QRFPR: variants seen among roughly 807,000 people sequenced by gnomAD.
QRFPR encodes pyroglutamylated RF-amide peptide receptor.
QRFPR carries 37 observed loss-of-function variants against 31.3 expected under a neutral mutation model. The ratio of observed to expected loss-of-function variants is 1.18; its 90% confidence interval spans 0.91 to 1.56. The LOEUF (loss-of-function observed/expected upper bound fraction) is 1.56. QRFPR is among the 40% of genes most tolerant of loss of function. QRFPR has a pLI of 0.00. For missense variants in QRFPR, 542 were observed against 532.5 expected (o/e 1.02, Z -0.18); for synonymous variants, 197 against 192.0 (o/e 1.03, Z -0.22).
chr4:121,333,583 C>A (rs1469202326), intron 3 of QRFPR, among the ~76,000 whole-genome samples: 3 of 152,136 alleles, frequency 2.0e-5, no homozygotes, highest in Admixed American at 6.5e-5. Context: ...ATTAAAGAGG[C>A]AACTGGCAGC....
intron 1 of QRFPR, chr4:121,369,598 G>A (rs570138647): frequency 1.9e-6 from 3 of 1,611,286 alleles, no homozygotes; most frequent in Admixed American, 1.7e-5. Context: ...CCATTGGAGA[G>A]GGCTTCTGGG....
Position 121,350,626 on chromosome 4 carries a change from C to A in QRFPR, c.341-10016G>T, listed in dbSNP as rs550516392. ...CATCCCTTTGTGAACACTGGACATG[C>A]TTTTCAAAACAACTACTTGTGATTT... On this transcript the variant is annotated intron_variant, in intron 1 of 5. Coordinates refer to ENST00000394427, the MANE Select transcript of QRFPR (RefSeq NM_198179.3). Among the ~76,000 whole-genome samples, 354 of 152,254 alleles carry A rather than the reference C, an allele frequency of 2.3e-3. 2 individuals carry two copies. Among genetic ancestry groups the A allele is most frequent in the African/African-American group, 8.1e-3 (335 of 41,554 alleles).
chr4:121,359,989 G>C (rs1447508775), intron 1 of QRFPR, among the ~76,000 whole-genome samples: 1 of 151,292 alleles, frequency 6.6e-6, no homozygotes, highest in East Asian at 1.9e-4. Flanking sequence ...AGATCTTATT[G>C]GGGTAACATT....
chr4:121,380,533 C>G lies in QRFPR; in HGVS notation c.115G>C (p.Glu39Gln), dbSNP rs1726471078. The change falls in exon 1 of 6, where the codon GAG (glutamate) becomes CAG (glutamine). Residue 39 changes from glutamate (E) to glutamine (Q), a missense_variant. Physicochemically the swap from Glu to Gln is conservative, Grantham distance 29. Transcript: ENST00000394427. ...GCCAGCTTGGCGCGTCCCGGCAGCT[C>G]TGGGGTGTAGACGAGCGGTCGCAGC... ...YRLRPLVYTP[E>Q]LPGRAKLALV... 2 of 1,613,066 alleles carry G rather than the reference C, an allele frequency of 1.2e-6. No individual in the cohort carries two copies.
intron 4 of QRFPR, 70 bp from the exon 5 acceptor site, chr4:121,330,593 T>C (rs1304324201): frequency 8.8e-7 from 1 of 1,130,704 alleles, no homozygotes; most frequent in Non-Finnish European, 1.3e-6. Context: ...ATAGCAAAGC[T>C]ATTAAAGTCT....
chr4:121,373,065 T>C (rs1726282695), intron 1 of QRFPR, among the ~76,000 whole-genome samples: 1 of 152,180 alleles, frequency 6.6e-6, no homozygotes, highest in African/African-American at 2.4e-5. Context: ...ATTCCCTTTT[T>C]TTTCTTAAGG....
At chr4:121,364,989 C>G (rs533716550) in intron 1 of QRFPR, among the ~76,000 whole-genome samples, 1 of 149,818 alleles carries the variant, frequency 6.7e-6, no homozygotes, top group Admixed American at 6.6e-5. Context: ...GAGCTCCATA[C>G]AGCTGTTTTT....
At chr4:121,374,828 C>A (rs775305172) in intron 1 of QRFPR, among the ~76,000 whole-genome samples, 1 of 152,314 alleles carries the variant, frequency 6.6e-6, no homozygotes, top group South Asian at 2.1e-4. Flanking sequence ...CCCAACGATG[C>A]TGCCATTACT....
chr4:121,358,106 T>C (rs1230149457), intron 1 of QRFPR, among the ~76,000 whole-genome samples: 1 of 152,152 alleles, frequency 6.6e-6, no homozygotes, highest in East Asian at 1.9e-4. Context: ...TTGAATATAG[T>C]CAAAATACTT....
chr4:121,376,456 A>T (rs780038635), intron 1 of QRFPR, among the ~76,000 whole-genome samples: 10 of 151,974 alleles, frequency 6.6e-5, no homozygotes, highest in Non-Finnish European at 7.4e-5. Context: ...CTCACCTATT[A>T]TTCATGGTCC....
chr4:121,380,589 A>G lies in QRFPR; in HGVS notation c.59T>C (p.Leu20Pro). The G allele has an allele frequency of 6.2e-7, 1 of 1,605,970 alleles. No homozygotes were observed. The highest frequency in any genetic ancestry group is 2.2e-5 in the East Asian group (1 of 44,590). Residue 20 changes from leucine to proline, a missense_variant, in exon 1 of 6, where the codon CTG becomes CCG. By Grantham distance (98) the Leu-to-Pro change is moderately conservative (BLOSUM62 -3). Transcript: ENST00000394427. ...CAGAGCGATGAACTGCTCCCGCGTCAGGTTGTGGTCCCGCAGCAGCCGAGA... is the reference window on the plus strand; with the variant it reads ...CAGAGCGATGAACTGCTCCCGCGTCGGGTTGTGGTCCCGCAGCAGCCGAGA... ...QFSRLLRDHNLTREQFIALYR... is the reference protein window; with the variant it reads ...QFSRLLRDHNPTREQFIALYR...
At chr4:121,349,699 A>T (rs964481492) in intron 1 of QRFPR, among the ~76,000 whole-genome samples, 1 of 152,200 alleles carries the variant, frequency 6.6e-6, no homozygotes, top group African/African-American at 2.4e-5. Flanking sequence ...TTAAACATCT[A>T]CCAGATTTCA....
Position 121,333,174 on chromosome 4 carries a change from G to T in QRFPR, c.562-118C>A. 3 of 643,418 alleles carry T rather than the reference G, an allele frequency of 4.7e-6. No homozygotes were observed. In the South Asian group the frequency reaches 6.4e-5, roughly 14 times the overall value. 39.9% of individuals were successfully genotyped at this position (643,418 alleles called of 1,614,324 possible). On this transcript the variant is annotated intron_variant, in intron 3 of 5. Transcript: ENST00000394427. ...GTTCTTTCAAATTTGTCCCCAGCACGTATTTCAAATGAGATACATTTTTAA... is the reference window on the plus strand; with the variant it reads ...GTTCTTTCAAATTTGTCCCCAGCACTTATTTCAAATGAGATACATTTTTAA...
At chr4:121,365,256 A>G (rs913032253) in intron 1 of QRFPR, among the ~76,000 whole-genome samples, 2 of 145,932 alleles carry the variant, frequency 1.4e-5, no homozygotes, top group Non-Finnish European at 1.5e-5. Flanking sequence ...GATCGAGACT[A>G]TCCTGGCTAA....
intron 2 of QRFPR, among the ~76,000 whole-genome samples, chr4:121,338,613 T>C (rs1725479369): frequency 6.6e-6 from 1 of 152,212 alleles, no homozygotes; most frequent in African/African-American, 2.4e-5. Flanking sequence ...GCGAAAAGAT[T>C]TGACATCCCC....
intron 3 of QRFPR, among the ~76,000 whole-genome samples, chr4:121,335,902 G>A (rs1016991415): frequency 6.6e-6 from 1 of 152,022 alleles, no homozygotes; most frequent in Non-Finnish European, 1.5e-5. Flanking sequence ...GTCCTTAGAT[G>A]CATTTTTCCA....
At chr4:121,363,541 C>G (rs1726029754) in intron 1 of QRFPR, among the ~76,000 whole-genome samples, 1 of 149,524 alleles carries the variant, frequency 6.7e-6, no homozygotes, top group African/African-American at 2.5e-5. Flanking sequence ...CATACTGGAC[C>G]CCAAATCTAG....
chr4:121,357,268 A>G (rs1286751521), intron 1 of QRFPR, among the ~76,000 whole-genome samples: 1 of 152,124 alleles, frequency 6.6e-6, no homozygotes, highest in African/African-American at 2.4e-5. Context: ...ATCATTGCCC[A>G]TATGATAATG....
Sources: allele counts gnomAD v4.1 joint callset (sites outside exome capture counted in the v4.1 genomes callset), GRCh38; gene constraint gnomAD v4.1.1; transcripts MANE v1.5; gene names NCBI Gene and HGNC (gene_info 2026-07-23, HGNC 2026-07-21).